Variants in SLC41A3 observed in about 807,000 individuals in gnomAD.
SLC41A3 encodes the protein SLC41A1-like 2.
A neutral mutation model predicts 45.4 loss-of-function variants in SLC41A3; 44 were observed. The ratio of observed to expected loss-of-function variants is 0.97; its 90% CI spans 0.76 to 1.25. The LOEUF is 1.25. SLC41A3 is among the 50% of genes most tolerant of loss of function. The pLI, the probability that SLC41A3 is intolerant of heterozygous loss-of-function variation, is 0.00. For synonymous variants in SLC41A3, 256 were observed against 252.4 expected (o/e 1.01, Z -0.13); for missense variants, 550 against 600.6 (o/e 0.92, Z 0.88).
chr3:126,087,334 C>T (rs1945412729), upstream of SLC41A3, among the ~76,000 whole-genome samples: 1 of 152,042 alleles, frequency 6.6e-6, no homozygotes, highest in Admixed American at 6.5e-5. Context: ...ATGACTGTCA[C>T]AGTTTTTGTT....
Position 126,066,963 on chromosome 3 carries a change from C to T in SLC41A3, c.273+984G>A, listed in dbSNP as rs528897956. Among the ~76,000 whole-genome samples the T allele has an allele frequency of 6.6e-5, 10 of 152,198 alleles. No homozygotes were observed. In the South Asian group the frequency reaches 8.3e-4, roughly 13 times the overall value. ...TGTACTAAATAAATATGAATTTCGC[C>T]GGCGTATGGGGCGATGCTGCAGACT... On this transcript the variant is annotated intron_variant, in intron 2 of 10. Transcript: ENST00000360370.
intron 4 of SLC41A3, among the ~76,000 whole-genome samples, chr3:126,032,160 T>C (rs746567516): frequency 2.7e-4 from 41 of 152,018 alleles, no homozygotes; most frequent in Non-Finnish European, 4.6e-4. Flanking sequence ...GGCAGGAAGC[T>C]GGTAAGACAG....
intron 1 of SLC41A3, among the ~76,000 whole-genome samples, chr3:126,089,395 C>A (rs1318374041): frequency 6.6e-6 from 1 of 152,164 alleles, no homozygotes; most frequent in Non-Finnish European, 1.5e-5. Flanking sequence ...GATGTTTAAA[C>A]AAACTTTATG....
At position 126,016,815 on chromosome 3, in the gene SLC41A3, A is replaced by T. The variant is rs1940334516; in HGVS notation, c.806T>A (p.Val269Asp). 2 of 1,612,078 alleles carry T rather than the reference A, an allele frequency of 1.2e-6. No individual in the cohort carries two copies. Among genetic ancestry groups the T allele is most frequent in the Admixed American group, 1.7e-5 (1 of 59,646 alleles). ...GGGTGGGCTCTGCTTGGCAATGAGG[A>T]CCCACACTGGGGTCAGAGCCGCAAA... is the stretch of plus-strand genomic sequence containing the variant. The part of the protein sequence containing the change: ...LSFAALTPVW[V>D]LIAKQSPPIV... The change falls in exon 7 of 11, where the codon GTC (valine) becomes GAC (aspartate). Residue 269 changes from valine (V) to aspartate (D), a missense_variant. Physicochemically the swap from Val to Asp is radical, Grantham distance 152. Coordinates refer to ENST00000360370, the MANE Select transcript of SLC41A3 (RefSeq NM_017836.4).
At chr3:126,008,301 CTG>C (rs1939322006) in intron 10 of SLC41A3, among the ~76,000 whole-genome samples, 1 of 152,076 alleles carries the variant, frequency 6.6e-6, no homozygotes, top group South Asian at 2.1e-4. Flanking sequence ...AGCACACACT[CTG>C]TAGCATGCAT....
chr3:126,078,823 C>T (rs1232429830), intron 1 of SLC41A3, among the ~76,000 whole-genome samples: 2 of 152,270 alleles, frequency 1.3e-5, no homozygotes, highest in East Asian at 3.9e-4. Context: ...CTCCCCTCTA[C>T]CTCTGTGGGA....
At chr3:126,056,645 C>G in intron 2 of SLC41A3, 1 of 1,482,290 alleles carries the variant, frequency 6.7e-7, no homozygotes, top group African/African-American at 1.4e-5. Flanking sequence ...ACGCTGTTCC[C>G]AAGAAGTCCA....
At chr3:126,077,622 G>A (rs994079013) in intron 1 of SLC41A3, among the ~76,000 whole-genome samples, 1 of 152,112 alleles carries the variant, frequency 6.6e-6, no homozygotes, top group Admixed American at 6.5e-5. Flanking sequence ...ATCCTTGCTT[G>A]TCAATCACAG....
At position 126,012,766 on chromosome 3, in the gene SLC41A3, A is replaced by T; in HGVS notation, c.971-17T>A. ...CACCAACACCTACGAGGAGAAAAGG[A>T]ATCTGTTTTCCCTTTCTTTACGCCA... On this transcript the variant is annotated splice_polypyrimidine_tract_variant and intron_variant, in intron 8 of 10. Transcript: ENST00000360370. 1 of 1,613,802 alleles carries T rather than the reference A, an allele frequency of 6.2e-7. No homozygotes were observed. Among genetic ancestry groups the T allele is most frequent in the Non-Finnish European group, 8.5e-7 (1 of 1,179,774 alleles).
intron 6 of SLC41A3, among the ~76,000 whole-genome samples, chr3:126,019,515 C>T (rs1280710420): frequency 6.6e-6 from 1 of 152,172 alleles, no homozygotes; most frequent in Non-Finnish European, 1.5e-5. Context: ...AACTCAAAAG[C>T]CCGAAGTCCA....
chr3:126,074,585 T>C (rs1444671522), intron 1 of SLC41A3, among the ~76,000 whole-genome samples: 1 of 152,116 alleles, frequency 6.6e-6, no homozygotes, highest in Non-Finnish European at 1.5e-5. Flanking sequence ...AGTAAACAAG[T>C]TCAGCAAGGT....
intron 2 of SLC41A3, among the ~76,000 whole-genome samples, chr3:126,052,647 C>T (rs1408416545): frequency 6.6e-6 from 1 of 152,148 alleles, no homozygotes; most frequent in Non-Finnish European, 1.5e-5. Flanking sequence ...TGCAGGGTGG[C>T]ACTGTCCTCC....
intron 3 of SLC41A3, among the ~76,000 whole-genome samples, chr3:126,035,526 T>G (rs749999822): frequency 6.6e-6 from 1 of 152,176 alleles, no homozygotes; most frequent in East Asian, 1.9e-4. Context: ...ACTATTGCCA[T>G]GAGGGAGAAA....
chr3:126,063,949 A>ACCACCCCCCC (rs1944206780), intron 2 of SLC41A3, among the ~76,000 whole-genome samples: 1 of 101,994 alleles, frequency 9.8e-6, no homozygotes, highest in Non-Finnish European at 2.1e-5. Context: ...GCCAGATCCA[A>ACCACCCCCCC]CCCCCCCCCG....
intron 2 of SLC41A3, among the ~76,000 whole-genome samples, chr3:126,059,272 A>AAGAAAGAAAGAAAAGAAAG (rs1943893278): frequency 7.0e-6 from 1 of 143,260 alleles, no homozygotes; most frequent in Non-Finnish European, 1.5e-5. Context: ...AGAAGAAAGA[A>AAGAAAGAAAGAAAAGAAAG]AGAAAGAAAG....
intron 6 of SLC41A3, among the ~76,000 whole-genome samples, chr3:126,017,519 G>A (rs944084028): frequency 1.3e-5 from 2 of 152,232 alleles, no homozygotes; most frequent in African/African-American, 4.8e-5. Flanking sequence ...AGTCACTGCT[G>A]CGGGGGCCCA....
At chr3:126,038,215 G>A (rs1006002264) in intron 3 of SLC41A3, among the ~76,000 whole-genome samples, 32 of 152,268 alleles carry the variant, frequency 2.1e-4, no homozygotes, top group Non-Finnish European at 3.8e-4. Context: ...GCAGTATCAA[G>A]GGGAAATGGG....
chr3:126,050,942 C>G lies in SLC41A3; in HGVS notation c.381+1G>C, dbSNP rs1406741537. 2 of 1,610,978 alleles carry G rather than the reference C, an allele frequency of 1.2e-6. No homozygotes were observed. The highest frequency in any genetic ancestry group is 8.5e-7 in the Non-Finnish European group (1 of 1,178,602). ...CCTCGAATGTCCAGGTGTCCACTTACAGCTGTGGAGAGTCTGGATGCCAGT... is the reference window on the plus strand; with the variant it reads ...CCTCGAATGTCCAGGTGTCCACTTAGAGCTGTGGAGAGTCTGGATGCCAGT... On this transcript the variant is annotated splice_donor_variant, in intron 3 of 10. Transcript: ENST00000360370. LOFTEE classifies it high-confidence loss of function.
At chr3:126,021,412 T>C (rs1181971867) in intron 6 of SLC41A3, among the ~76,000 whole-genome samples, 3 of 152,216 alleles carry the variant, frequency 2.0e-5, no homozygotes, top group African/African-American at 7.2e-5. Context: ...CAGTTAAATT[T>C]CACCATCTTG....
Sources: allele counts gnomAD v4.1 joint callset (sites outside exome capture counted in the v4.1 genomes callset), GRCh38; gene constraint gnomAD v4.1.1; transcripts MANE v1.5; gene names NCBI Gene and HGNC (gene_info 2026-07-23, HGNC 2026-07-21).